Variants in PCOLCE2 observed in about 807,000 individuals in gnomAD.
PCOLCE2 encodes the protein procollagen C-endopeptidase enhancer 2.
PCOLCE2 carries 42 observed loss-of-function variants against 47.0 expected under a neutral mutation model. That is an observed-to-expected ratio of 0.89 (90% CI 0.70 to 1.16). The LOEUF (loss-of-function observed/expected upper bound fraction) is 1.16, where lower values mean the gene tolerates loss of function less well. Among genes scored for constraint, PCOLCE2 ranks in the 50% most tolerant of loss-of-function variants. The probability of loss-of-function intolerance (pLI) is 0.00; values close to 1 mark genes in which losing one functional copy is unlikely to be tolerated. For synonymous variants in PCOLCE2, 169 were observed against 191.7 expected (o/e 0.88, Z 0.98); for missense variants, 500 against 526.1 (o/e 0.95, Z 0.49).
At chr3:142,860,472 G>A (rs563387583) in intron 2 of PCOLCE2, among the ~76,000 whole-genome samples, 4 of 151,584 alleles carry the variant, frequency 2.6e-5, no homozygotes, top group Admixed American at 1.3e-4. Context: ...GCAATGTCGC[G>A]ATCTCGGCTC....
intron 7 of PCOLCE2, among the ~76,000 whole-genome samples, chr3:142,822,342 T>C (rs932144830): frequency 1.3e-5 from 2 of 152,164 alleles, no homozygotes; most frequent in African/African-American, 4.8e-5. Context: ...TTATCAGCCC[T>C]GGTTGAGAAC....
intron 7 of PCOLCE2, among the ~76,000 whole-genome samples, chr3:142,821,795 T>C (rs1042071448): frequency 6.6e-6 from 1 of 151,970 alleles, no homozygotes; most frequent in Non-Finnish European, 1.5e-5. Flanking sequence ...AAAGAGTCTC[T>C]CTTTGAAGCC....
At chr3:142,864,296 C>G (rs1170918618) in intron 2 of PCOLCE2, 1 of 152,206 alleles carries the variant, frequency 6.6e-6, no homozygotes, top group South Asian at 2.1e-4. Flanking sequence ...AGCACTTATG[C>G]TGTGGTTTTT....
chr3:142,886,585 ATTATGGAAGGGGACCTC>A (rs1226822716), intron 2 of PCOLCE2, among the ~76,000 whole-genome samples: 4 of 152,222 alleles, frequency 2.6e-5, no homozygotes, highest in African/African-American at 9.7e-5. Flanking sequence ...TGAGTTTTAT[ATTATGGAAGGGGACCTC>A]TCATATCTGC....
At chr3:142,882,982 C>T (rs987161004) in intron 2 of PCOLCE2, among the ~76,000 whole-genome samples, 1 of 151,732 alleles carries the variant, frequency 6.6e-6, no homozygotes, top group African/African-American at 2.4e-5. Context: ...GGGTGGATCA[C>T]GAGGTCAGGA....
At chr3:142,872,610 AT>A (rs1435726493) in intron 2 of PCOLCE2, among the ~76,000 whole-genome samples, 4 of 152,184 alleles carry the variant, frequency 2.6e-5, no homozygotes, top group Non-Finnish European at 5.9e-5. Flanking sequence ...ATTGATCCCC[AT>A]TCCAACATCC....
Position 142,829,727 on chromosome 3 carries a change from TC to T in PCOLCE2, c.829del (p.Glu277AsnfsTer10). 6.2e-7 allele frequency: 1 copy of T among 1,607,286 alleles called. No individual in the cohort carries two copies. The highest frequency in any genetic ancestry group is 8.5e-7 in the Non-Finnish European group (1 of 1,176,356). ...FRPKKLPTTT[E>X]QPVTTTFPVT... ...AGGGAATGTGGTGGTGACAGGCTGT[TC>T]TGTAGTTGTAGGCAGTTTTTTTGGC... is the stretch of plus-strand genomic sequence containing the variant. On this transcript the variant is annotated frameshift_variant, in exon 6 of 9. Coordinates refer to ENST00000295992, the MANE Select transcript of PCOLCE2 (RefSeq NM_013363.4). LOFTEE classifies it high-confidence loss of function.
rs112261422 is a variant in PCOLCE2, at chr3:142,838,961, T to A, written c.574-55A>T. 2.3e-5 allele frequency: 32 copies of A among 1,369,770 alleles called. 1 individual carries two copies. In the African/African-American group the frequency reaches 2.4e-4, roughly 10 times the overall value. 84.9% of individuals were successfully genotyped at this position (1,369,770 alleles called of 1,614,324 possible). A position where few individuals can be genotyped will look rare whatever the true frequency, so the allele number is the denominator to read the frequency against. Reference sequence around the variant, plus strand: ...ATATTAATAGCATTGTTGAATAACCTCAAATGGAATTCTTCCTCTCCCCAG... The same window carrying A: ...ATATTAATAGCATTGTTGAATAACCACAAATGGAATTCTTCCTCTCCCCAG... On this transcript the variant is annotated intron_variant, in intron 4 of 8. Coordinates refer to ENST00000295992, the MANE Select transcript of PCOLCE2 (RefSeq NM_013363.4).
At chr3:142,863,005 C>A (rs1164375980) in intron 2 of PCOLCE2, among the ~76,000 whole-genome samples, 1 of 144,334 alleles carries the variant, frequency 6.9e-6, no homozygotes, top group Non-Finnish European at 1.5e-5. Flanking sequence ...TAGATGATTA[C>A]AGAATATACC....
At chr3:142,870,434 T>C (rs1578048426) in intron 2 of PCOLCE2, among the ~76,000 whole-genome samples, 1 of 152,050 alleles carries the variant, frequency 6.6e-6, no homozygotes, top group South Asian at 2.1e-4. Context: ...CTGGGTAGGG[T>C]TTTGTGCAAT....
At chr3:142,880,284 T>G (rs756336035) in intron 2 of PCOLCE2, among the ~76,000 whole-genome samples, 1 of 151,362 alleles carries the variant, frequency 6.6e-6, no homozygotes, top group African/African-American at 2.4e-5. Flanking sequence ...TAAGTCTCTA[T>G]ATAATTCTAA....
intron 2 of PCOLCE2, among the ~76,000 whole-genome samples, chr3:142,884,844 T>C (rs906882340): frequency 6.6e-6 from 1 of 152,156 alleles, no homozygotes; most frequent in Non-Finnish European, 1.5e-5. Context: ...ACAAGAAAAA[T>C]TGTGATGACA....
At chr3:142,843,073 A>G (rs1265674528) in intron 3 of PCOLCE2, 25 bp from the exon 4 acceptor site, 1 of 1,608,832 alleles carries the variant, frequency 6.2e-7, no homozygotes, top group Non-Finnish European at 8.5e-7. Flanking sequence ...CAAGGAAAAA[A>G]GCCCACAAGT....
intron 6 of PCOLCE2, among the ~76,000 whole-genome samples, chr3:142,825,576 C>A (rs1419478211): frequency 6.6e-6 from 1 of 152,110 alleles, no homozygotes; most frequent in East Asian, 1.9e-4. Context: ...CAAATTTAGA[C>A]CTGCTGGCAA....
chr3:142,833,189 TTTTTG>T (rs1174688836), intron 5 of PCOLCE2, among the ~76,000 whole-genome samples: 1 of 152,186 alleles, frequency 6.6e-6, no homozygotes, highest in Non-Finnish European at 1.5e-5. Flanking sequence ...TTTTTTTTCT[TTTTTG>T]TTTTGTGTTT....
chr3:142,850,960 C>A (rs1932925515), intron 2 of PCOLCE2, among the ~76,000 whole-genome samples: 1 of 152,008 alleles, frequency 6.6e-6, no homozygotes, highest in South Asian at 2.1e-4. Flanking sequence ...CTTGAGCAGG[C>A]AAAGGGGGAT....
At position 142,836,011 on chromosome 3, in the gene PCOLCE2, A is replaced by G. The variant is rs530900754; in HGVS notation, c.710+2759T>C. ...TTTCTTTTGCACTGAATTTTTTGTCACTTCATGTTTCCTTCCACTGTTTTG... is the reference window on the plus strand; with the variant it reads ...TTTCTTTTGCACTGAATTTTTTGTCGCTTCATGTTTCCTTCCACTGTTTTG... On this transcript the variant is annotated intron_variant, in intron 5 of 8. Transcript: ENST00000295992. Among the ~76,000 whole-genome samples the G allele has an allele frequency of 6.6e-5, 10 of 151,896 alleles. No homozygotes were observed. In the East Asian group the frequency reaches 1.2e-3, roughly 18 times the overall value.
At chr3:142,859,964 G>A (rs1409775099) in intron 2 of PCOLCE2, among the ~76,000 whole-genome samples, 4 of 152,218 alleles carry the variant, frequency 2.6e-5, no homozygotes, top group Non-Finnish European at 5.9e-5. Flanking sequence ...AGCATCCAAT[G>A]TTCTCTTAAA....
intron 2 of PCOLCE2, among the ~76,000 whole-genome samples, chr3:142,873,775 A>G (rs1933444324): frequency 6.6e-6 from 1 of 152,224 alleles, no homozygotes; most frequent in African/African-American, 2.4e-5. Flanking sequence ...ACTGATAGTC[A>G]CTCAAGAGAA....
Sources: allele counts gnomAD v4.1 joint callset (sites outside exome capture counted in the v4.1 genomes callset), GRCh38; gene constraint gnomAD v4.1.1; transcripts MANE v1.5; gene names NCBI Gene and HGNC (gene_info 2026-07-23, HGNC 2026-07-21).